Variants in ARHGAP25 observed in about 807,000 individuals in gnomAD.
ARHGAP25 encodes the protein rho GTPase-activating protein 25.
Under a neutral mutation model 71.0 loss-of-function variants are expected in ARHGAP25, and 34 were observed. That is an observed-to-expected ratio of 0.48 (90% CI 0.36 to 0.64). The LOEUF (loss-of-function observed/expected upper bound fraction) is 0.64. Among genes scored for constraint, ARHGAP25 ranks in the 30% least tolerant of loss-of-function variants. The pLI is 0.00. For missense variants in ARHGAP25, 706 were observed against 805.1 expected (o/e 0.88, Z 1.49); for synonymous variants, 282 against 296.5 (o/e 0.95, Z 0.50).
Position 68,807,282 on chromosome 2 carries a change from G to T in ARHGAP25, c.476G>T (p.Gly159Val), listed in dbSNP as rs1346473805. 4 of 1,614,196 alleles carry T rather than the reference G, an allele frequency of 2.5e-6. No homozygotes were observed. Among genetic ancestry groups the T allele is most frequent in the Non-Finnish European group, 2.5e-6 (3 of 1,180,020 alleles). The change falls in exon 5 of 11, where the codon GGC becomes GTC. Residue 159 changes from glycine (G) to valine (V), a missense_variant. Coordinates refer to ENST00000409202, the MANE Select transcript of ARHGAP25 (RefSeq NM_001007231.3). ...VAGTPCGAVFGQRLDETVAYE... is the reference protein window; with the variant it reads ...VAGTPCGAVFVQRLDETVAYE... ...TTTGCTCTCTCCTCAGCAGTGTTTG[G>T]CCAGCGCTTGGATGAGACTGTGGCC... is the stretch of plus-strand genomic sequence containing the variant.
At chr2:68,722,876 A>G (rs1674796397) in intron 2 of ARHGAP25, among the ~76,000 whole-genome samples, 1 of 152,206 alleles carries the variant, frequency 6.6e-6, no homozygotes. Flanking sequence ...AGACACCCTC[A>G]GGCCAAGGTC....
intron 1 of ARHGAP25, among the ~76,000 whole-genome samples, chr2:68,737,842 A>G (rs373384229): frequency 6.6e-6 from 1 of 152,160 alleles, no homozygotes; most frequent in Non-Finnish European, 1.5e-5. Context: ...TTGATGAGCT[A>G]TGCTTCCAGT....
chr2:68,743,227 C>G (rs1675611278), intron 1 of ARHGAP25, among the ~76,000 whole-genome samples: 1 of 152,182 alleles, frequency 6.6e-6, no homozygotes, highest in Non-Finnish European at 1.5e-5. Context: ...GAGCTGCCCA[C>G]CATCTCCTAC....
At chr2:68,807,535 C>A in intron 5 of ARHGAP25, 55 bp downstream of exon 5, 1 of 1,549,812 alleles carries the variant, frequency 6.5e-7, no homozygotes, top group Non-Finnish European at 8.9e-7. Context: ...CTTGGCTTGG[C>A]TGGGAGGGCC....
chr2:68,726,041 G>T (rs949753124), intron 2 of ARHGAP25, among the ~76,000 whole-genome samples: 2 of 151,862 alleles, frequency 1.3e-5, no homozygotes, highest in Non-Finnish European at 2.9e-5. Context: ...ACCCCTTCCC[G>T]TAGCACTTTT....
chr2:68,782,422 T>A, intron 3 of ARHGAP25, 102 bp downstream of exon 3: 1 of 1,035,272 alleles, frequency 9.7e-7, no homozygotes, highest in Non-Finnish European at 1.5e-6. Flanking sequence ...GTAATTCAAC[T>A]AACTAACCAA....
At chr2:68,720,339 GAAAAGAAAAGAA>G (rs1558597721) in intron 2 of ARHGAP25, among the ~76,000 whole-genome samples, 4 of 134,610 alleles carry the variant, frequency 3.0e-5, no homozygotes, top group Non-Finnish European at 4.9e-5. Flanking sequence ...AAAAAGAAAA[GAAAAGAAAAGAA>G]AAAAGAAAAA....
At chr2:68,766,752 T>C (rs1677146370) in intron 1 of ARHGAP25, among the ~76,000 whole-genome samples, 1 of 151,270 alleles carries the variant, frequency 6.6e-6, no homozygotes, top group African/African-American at 2.4e-5. Flanking sequence ...CTCTCTGTCA[T>C]TCTCTCTCCC....
chr2:68,819,152 A>C lies in ARHGAP25; in HGVS notation c.1033A>C (p.Met345Leu), dbSNP rs78992846. ...TCCTCAGATCCAAAGAGTGATGACT[A>C]TGATGATCAGAGACCATGAAGTCCT... ...GTPQIQRVMT[M>L]MIRDHEVLFP... The change falls in exon 9 of 11, where the codon ATG becomes CTG. Residue 345 changes from methionine to leucine, a missense_variant. Transcript: ENST00000409202. The C allele has an allele frequency of 3.5e-5, 55 of 1,584,632 alleles. No homozygotes were observed. The highest frequency in any genetic ancestry group is 4.6e-5 in the Non-Finnish European group (53 of 1,164,802).
intron 2 of ARHGAP25, among the ~76,000 whole-genome samples, chr2:68,778,607 C>T (rs1295498920): frequency 6.6e-6 from 1 of 152,182 alleles, no homozygotes; most frequent in Non-Finnish European, 1.5e-5. Flanking sequence ...TAAGGGCCCT[C>T]ACATACACTG....
chr2:68,733,242 C>T (rs147471409), upstream of ARHGAP25, among the ~76,000 whole-genome samples: 4 of 152,174 alleles, frequency 2.6e-5, no homozygotes, highest in East Asian at 1.9e-4. Context: ...CAAATGTGTC[C>T]GACACTGCTG....
chr2:68,825,969 TTC>T lies in ARHGAP25; in HGVS notation c.1734-16_1734-15del. 1.3e-6 allele frequency: 2 copies of T among 1,596,894 alleles called. No individual in the cohort carries two copies. Among genetic ancestry groups the T allele is most frequent in the Non-Finnish European group, 1.7e-6 (2 of 1,168,022 alleles). ...ATGAATGCCACATTCTTTCATTCTT[TTC>T]TTTCCTTCCTTGTAGCCTTGAGAAG... On this transcript the variant is annotated splice_polypyrimidine_tract_variant and intron_variant, in intron 10 of 10. Coordinates refer to ENST00000409202, the MANE Select transcript of ARHGAP25 (RefSeq NM_001007231.3).
At chr2:68,717,432 A>G (rs1674640964) in intron 2 of ARHGAP25, among the ~76,000 whole-genome samples, 1 of 152,208 alleles carries the variant, frequency 6.6e-6, no homozygotes, top group Non-Finnish European at 1.5e-5. Context: ...TACTGGCTCT[A>G]GAACTGAGTC....
intron 4 of ARHGAP25, among the ~76,000 whole-genome samples, chr2:68,793,451 A>G (rs1679330017): frequency 6.6e-6 from 1 of 152,080 alleles, no homozygotes; most frequent in Non-Finnish European, 1.5e-5. Context: ...TGATTTTTGT[A>G]TATGGTGAGA....
rs974241037 is a variant in ARHGAP25 at position 68,807,202 on chromosome 2, CAG to C, written c.467-69_467-68del. On this transcript the variant is annotated intron_variant, in intron 4 of 10. Transcript: ENST00000409202. ...AAAACCTGTGAAGACACAGGTGACA[CAG>C]AAAGTCAAGAAATAGTTCATCCAAG... 8 of 1,512,724 alleles carry C rather than the reference CAG, an allele frequency of 5.3e-6. No individual in the cohort carries two copies. In the African/African-American group the frequency reaches 9.6e-5, roughly 18 times the overall value. The allele number at this position is 1,512,724 out of a possible 1,614,324, so 93.7% of individuals were successfully genotyped here.
rs549723776 is a variant in ARHGAP25 at position 68,777,205 on chromosome 2, G to C, written c.261+1785G>C. On this transcript the variant is annotated intron_variant, in intron 2 of 10. Coordinates refer to ENST00000409202, the MANE Select transcript of ARHGAP25 (RefSeq NM_001007231.3). Reference sequence around the variant, plus strand: ...CTATCTGCAGAGTGTAAGGGAGACGGCAGTAACGCTTTGGCCACCCCAGAT... The same window carrying C: ...CTATCTGCAGAGTGTAAGGGAGACGCCAGTAACGCTTTGGCCACCCCAGAT... Among the ~76,000 whole-genome samples, 55 of 152,308 alleles carry C rather than the reference G, an allele frequency of 3.6e-4. 1 individual carries two copies. In the South Asian group the frequency reaches 0.011, roughly 31 times the overall value.
intron 1 of ARHGAP25, among the ~76,000 whole-genome samples, chr2:68,753,322 T>C (rs1676288442): frequency 6.6e-6 from 1 of 152,368 alleles, no homozygotes; most frequent in East Asian, 1.9e-4. Context: ...GTGGGTTTTC[T>C]GCTACTTTCC....
chr2:68,820,879 A>G (rs1436837460), intron 9 of ARHGAP25, among the ~76,000 whole-genome samples: 1 of 152,040 alleles, frequency 6.6e-6, no homozygotes, highest in African/African-American at 2.4e-5. Flanking sequence ...ACAGTCACAC[A>G]CATACACATA....
At position 68,769,634 on chromosome 2, in the gene ARHGAP25, G is replaced by A. The variant is rs568783809; in HGVS notation, c.62-5587G>A. On this transcript the variant is annotated intron_variant, in intron 1 of 10. Coordinates refer to ENST00000409202, the MANE Select transcript of ARHGAP25 (RefSeq NM_001007231.3). ...AGGAAAAGAAAAAAGTACCAAGCAA[G>A]GCGACAAAGGCTACGATACACAGGT... Among the ~76,000 whole-genome samples the A allele has an allele frequency of 2.6e-5, 4 of 152,268 alleles. No individual in the cohort carries two copies. In the South Asian group the frequency reaches 8.3e-4, roughly 32 times the overall value.
Sources: gnomAD v4.1 joint callset for allele counts (sites outside exome capture counted in the v4.1 genomes callset) on GRCh38, gnomAD v4.1.1 for gene constraint, MANE v1.5 for transcripts, NCBI Gene and HGNC (gene_info 2026-07-23, HGNC 2026-07-21) for gene names.